ALOX5AP: variants seen among roughly 807,000 people sequenced by gnomAD.
ALOX5AP encodes arachidonate 5-lipoxygenase activating protein.
A neutral mutation model predicts 18.5 loss-of-function variants in ALOX5AP; 9 were observed. That is an observed-to-expected ratio of 0.49 (90% CI 0.29 to 0.85). The LOEUF is 0.85. ALOX5AP is among the 40% of genes least tolerant of loss of function. The pLI, the probability that ALOX5AP is intolerant of heterozygous loss-of-function variation, is 0.08. For synonymous variants in ALOX5AP, 81 were observed against 78.6 expected, an observed-to-expected ratio of 1.03 and a Z score of -0.16; for missense variants, 172 against 202.5, an observed-to-expected ratio of 0.85 and a Z score of 0.91.
chr13:30,722,535 T>G (rs1951602237), intron 1 of ALOX5AP, among the ~76,000 whole-genome samples: 1 of 152,228 alleles, frequency 6.6e-6, no homozygotes, highest in East Asian at 1.9e-4. Context: ...AGTAAGTATT[T>G]GTTGAATGAG....
In ALOX5AP at chr13:30,753,500, A is replaced by G. The variant is rs190562877; in HGVS notation, c.241+1378A>G. On this transcript the variant is annotated intron_variant, in intron 3 of 4. Coordinates refer to ENST00000380490, the MANE Select transcript of ALOX5AP (RefSeq NM_001629.4). ...CCCTGGAAATAGGTATTTCCTGTCA[A>G]AACAAGCTTTGTCATTGCCAGCAGA... 2.8e-4 allele frequency among the ~76,000 whole-genome samples: 42 copies of G among 152,352 alleles called. No individual in the cohort carries two copies. The East Asian group carries it at 7.3e-3, about 27-fold the overall frequency.
chr13:30,752,303 C>T (rs1415158329), intron 3 of ALOX5AP, among the ~76,000 whole-genome samples, 181 bp downstream of exon 3: 8 of 152,092 alleles, frequency 5.3e-5, no homozygotes, highest in South Asian at 2.1e-4. Context: ...GTGCAGAGCG[C>T]GTGTGATAAT....
At chr13:30,717,796 CT>C (rs1199197442) in intron 1 of ALOX5AP, among the ~76,000 whole-genome samples, 1 of 152,068 alleles carries the variant, frequency 6.6e-6, no homozygotes, top group Non-Finnish European at 1.5e-5. Flanking sequence ...TTTATGGAAG[CT>C]TCAAGACACC....
Position 30,754,621 on chromosome 13 carries a change from T to A in ALOX5AP, c.242-1323T>A, listed in dbSNP as rs1215136457. Among the ~76,000 whole-genome samples the A allele has an allele frequency of 3.9e-5, 6 of 152,254 alleles. No individual in the cohort carries two copies. The East Asian group carries it at 9.6e-4, about 24-fold the overall frequency. On this transcript the variant is annotated intron_variant, in intron 3 of 4. Transcript: ENST00000380490. ...CACCTAACATCTGAAGCGCAATAAA[T>A]GTTATTATTGATAATGCAGGTGGTG...
At chr13:30,724,488 C>A (rs1027586399) in intron 1 of ALOX5AP, among the ~76,000 whole-genome samples, 1 of 152,152 alleles carries the variant, frequency 6.6e-6, no homozygotes, top group Admixed American at 6.6e-5. Context: ...AACTCTGCCA[C>A]TTAGGCCTTA....
chr13:30,764,262 C>T lies in ALOX5AP; in HGVS notation c.*156C>T. 1 of 782,060 alleles carries T rather than the reference C, an allele frequency of 1.3e-6. No homozygotes were observed. Among genetic ancestry groups the T allele is most frequent in the Non-Finnish European group, 1.9e-6 (1 of 516,790 alleles). The allele number at this position is 782,060 out of a possible 1,614,324, so 48.4% of individuals were successfully genotyped here. A position where few individuals can be genotyped will look rare whatever the true frequency, so the allele number is the denominator to read the frequency against. On this transcript the variant is annotated 3_prime_UTR_variant, in exon 5 of 5. Transcript: ENST00000380490. ...TGAGTTAACCTTGCTTTTCCGGGAACAAAATGATGTCATGTCAGCTCCGCC... is the reference window on the plus strand; with the variant it reads ...TGAGTTAACCTTGCTTTTCCGGGAATAAAATGATGTCATGTCAGCTCCGCC...
At chr13:30,716,888 A>G (rs977984190) in intron 1 of ALOX5AP, among the ~76,000 whole-genome samples, 3 of 152,280 alleles carry the variant, frequency 2.0e-5, no homozygotes, top group Non-Finnish European at 4.4e-5. Flanking sequence ...AGTCCAGGAC[A>G]GTGCCTGACA....
intron 4 of ALOX5AP, among the ~76,000 whole-genome samples, chr13:30,759,525 A>G (rs1951923902): frequency 6.6e-6 from 1 of 152,212 alleles, no homozygotes; most frequent in African/African-American, 2.4e-5. Flanking sequence ...TTTGTCCCCA[A>G]GGAGACCCAA....
intron 2 of ALOX5AP, among the ~76,000 whole-genome samples, chr13:30,747,900 G>T (rs1221551069): frequency 6.6e-6 from 1 of 151,902 alleles, no homozygotes; most frequent in Non-Finnish European, 1.5e-5. Context: ...GTCCATTCTA[G>T]ACTCACTTTC....
At chr13:30,748,012 C>T (rs1005690059) in intron 2 of ALOX5AP, among the ~76,000 whole-genome samples, 13 of 152,168 alleles carry the variant, frequency 8.5e-5, no homozygotes, top group Middle Eastern at 3.4e-3. Context: ...CTCTGCCTTC[C>T]GGGCTTAAGC....
chr13:30,725,862 T>G (rs1265138806), intron 1 of ALOX5AP, among the ~76,000 whole-genome samples: 1 of 152,190 alleles, frequency 6.6e-6, no homozygotes, highest in Admixed American at 6.5e-5. Context: ...GTGGCCAGAT[T>G]AGAACAGTGG....
intron 1 of ALOX5AP, among the ~76,000 whole-genome samples, chr13:30,743,828 C>T (rs1951786613): frequency 6.6e-6 from 1 of 152,054 alleles, no homozygotes; most frequent in Non-Finnish European, 1.5e-5. Context: ...ACTGTAAGAT[C>T]CTAGAAAGTG....
At position 30,728,254 on chromosome 13, in the gene ALOX5AP, G is replaced by A. The variant is rs555067214; in HGVS notation, c.117-7297G>A. ...GGAATCCTCCCTTAGTGATTTTACAGGGAGCATAGCCCTGCTGACACCTTG... is the reference window on the plus strand; with the variant it reads ...GGAATCCTCCCTTAGTGATTTTACAAGGAGCATAGCCCTGCTGACACCTTG... On this transcript the variant is annotated intron_variant, in intron 1 of 5. Coordinates refer to the ALOX5AP transcript ENST00000617770. 1.7e-4 allele frequency among the ~76,000 whole-genome samples: 26 copies of A among 152,302 alleles called. No homozygotes were observed. In the East Asian group the frequency reaches 3.7e-3, roughly 21 times the overall value.
At chr13:30,762,218 G>T (rs547610355) in intron 4 of ALOX5AP, among the ~76,000 whole-genome samples, 104 of 152,308 alleles carry the variant, frequency 6.8e-4, no homozygotes, top group African/African-American at 2.5e-3. Context: ...TGATGCTGCT[G>T]GTCCACGGAC....
intron 1 of ALOX5AP, 133 bp downstream of exon 1, chr13:30,735,808 CT>C: frequency 9.1e-7 from 1 of 1,104,158 alleles, no homozygotes; most frequent in Non-Finnish European, 1.3e-6. Context: ...TTATTTTCTT[CT>C]TTTTATTTGA....
At chr13:30,758,595 C>T (rs536693124) in intron 4 of ALOX5AP, among the ~76,000 whole-genome samples, 4 of 152,252 alleles carry the variant, frequency 2.6e-5, no homozygotes, top group South Asian at 2.1e-4. Context: ...GGCTGCCCTG[C>T]GAGGATTTTG....
chr13:30,715,163 G>C (rs1593422896), intron 1 of ALOX5AP, among the ~76,000 whole-genome samples: 1 of 152,136 alleles, frequency 6.6e-6, no homozygotes, highest in Non-Finnish European at 1.5e-5. Flanking sequence ...GCCTGGCTTT[G>C]AGAACCGGGC....
At chr13:30,717,966 T>G (rs1451185596) in intron 1 of ALOX5AP, among the ~76,000 whole-genome samples, 3 of 6,186 alleles carry the variant, frequency 4.8e-4, no homozygotes, top group African/African-American at 7.6e-4. Flanking sequence ...TTATTTTTTC[T>G]TTTTTTTTTT....
chr13:30,739,437 A>G (rs944253793), intron 1 of ALOX5AP, among the ~76,000 whole-genome samples: 5 of 152,074 alleles, frequency 3.3e-5, no homozygotes, highest in Non-Finnish European at 5.9e-5. Flanking sequence ...AGATATATAT[A>G]TTATTATTGT....
Sources: gnomAD v4.1 joint callset for allele counts (sites outside exome capture counted in the v4.1 genomes callset) on GRCh38, gnomAD v4.1.1 for gene constraint, MANE v1.5 for transcripts, NCBI Gene and HGNC (gene_info 2026-07-23, HGNC 2026-07-21) for gene names.